NEK11: variants seen among roughly 807,000 people sequenced by gnomAD.
NEK11 encodes the protein serine/threonine-protein kinase Nek11.
A neutral mutation model predicts 80.7 loss-of-function variants in NEK11; 72 were observed. That is an observed-to-expected ratio of 0.89 (90% CI 0.74 to 1.08). The LOEUF is 1.08. NEK11 is among the 50% of genes least tolerant of loss of function. NEK11 has a pLI of 0.00. For synonymous variants in NEK11, 251 were observed against 260.7 expected, an observed-to-expected ratio of 0.96 and a Z score of 0.36; for missense variants, 764 against 763.6, an observed-to-expected ratio of 1.00 and a Z score of -0.01.
intron 3 of NEK11, among the ~76,000 whole-genome samples, chr3:131,042,674 G>A (rs577123965): frequency 7.6e-4 from 116 of 152,320 alleles, no homozygotes; most frequent in Non-Finnish European, 1.4e-3. Flanking sequence ...AGGGGCGGCT[G>A]TGGGTACAGC....
intron 7 of NEK11, among the ~76,000 whole-genome samples, chr3:131,148,744 GAT>G (rs5852616): frequency 0.73 from 109,540 of 149,052 alleles, 40,405 homozygotes; most frequent in South Asian, 0.77. Flanking sequence ...GTTTGTTACA[GAT>G]ATATATATAT....
intron 3 of NEK11, among the ~76,000 whole-genome samples, chr3:131,047,500 G>A (rs1335441310): frequency 4.6e-5 from 7 of 152,160 alleles, no homozygotes; most frequent in Non-Finnish European, 7.4e-5. Flanking sequence ...CTTTCCCTTA[G>A]GGATGTGGTT....
chr3:131,295,133 A>G (rs1419041885), intron 17 of NEK11, among the ~76,000 whole-genome samples: 2 of 151,740 alleles, frequency 1.3e-5, no homozygotes, highest in African/African-American at 4.8e-5. Context: ...ACTGTTTTCT[A>G]TTTGTTGTCT....
chr3:131,101,626 G>A (rs1468788283), intron 4 of NEK11, among the ~76,000 whole-genome samples: 3 of 152,162 alleles, frequency 2.0e-5, no homozygotes, highest in Non-Finnish European at 4.4e-5. Flanking sequence ...TGAATTTATT[G>A]AGACTTGCTT....
intron 14 of NEK11, among the ~76,000 whole-genome samples, chr3:131,222,792 C>T (rs1203693704): frequency 6.6e-6 from 1 of 152,198 alleles, no homozygotes; most frequent in African/African-American, 2.4e-5. Flanking sequence ...ACCAGACCTG[C>T]TGAATCAGCA....
intron 17 of NEK11, among the ~76,000 whole-genome samples, chr3:131,322,964 T>C (rs927293887): frequency 2.0e-5 from 3 of 152,188 alleles, no homozygotes; most frequent in Admixed American, 2.0e-4. Context: ...GATTATATGA[T>C]CTAACTTGTT....
intron 4 of NEK11, among the ~76,000 whole-genome samples, chr3:131,091,642 A>T (rs1467896859): frequency 6.6e-6 from 1 of 152,254 alleles, no homozygotes; most frequent in Non-Finnish European, 1.5e-5. Context: ...TTTAAAAATG[A>T]CAATAGGATG....
At chr3:131,092,522 A>G (rs1363699698) in intron 4 of NEK11, among the ~76,000 whole-genome samples, 2 of 152,228 alleles carry the variant, frequency 1.3e-5, no homozygotes, top group Non-Finnish European at 2.9e-5. Flanking sequence ...CTGAGTTTCT[A>G]CCGTATCAGA....
At chr3:131,066,221 T>C (rs2071917884) in intron 3 of NEK11, among the ~76,000 whole-genome samples, 2 of 152,226 alleles carry the variant, frequency 1.3e-5, no homozygotes, top group South Asian at 4.1e-4. Context: ...TGCTGGCCGC[T>C]GCTTTATATT....
intron 17 of NEK11, among the ~76,000 whole-genome samples, chr3:131,340,915 C>T (rs1172750769): frequency 6.6e-6 from 1 of 152,112 alleles, no homozygotes; most frequent in East Asian, 1.9e-4. Flanking sequence ...AAAGGAAATG[C>T]ACCATAGAAA....
intron 3 of NEK11, among the ~76,000 whole-genome samples, chr3:131,030,205 C>T (rs1214539218): frequency 6.6e-6 from 1 of 151,482 alleles, no homozygotes; most frequent in Non-Finnish European, 1.5e-5. Context: ...TGCCACTGCC[C>T]TCCAGCCTGG....
intron 7 of NEK11, among the ~76,000 whole-genome samples, chr3:131,144,621 G>C (rs2087741787): frequency 6.6e-6 from 1 of 152,160 alleles, no homozygotes; most frequent in South Asian, 2.1e-4. Context: ...GTATGTTAAA[G>C]TTTGGGAAAC....
At position 131,125,047 on chromosome 3, in the gene NEK11, C is replaced by T. The variant is rs936797246; in HGVS notation, c.456-7698C>T. 3.3e-5 allele frequency among the ~76,000 whole-genome samples: 5 copies of T among 152,142 alleles called. No homozygotes were observed. In the East Asian group the frequency reaches 9.6e-4, roughly 29 times the overall value. On this transcript the variant is annotated intron_variant, in intron 5 of 17. Coordinates refer to ENST00000383366, the MANE Select transcript of NEK11 (RefSeq NM_024800.5). Reference sequence around the variant, plus strand: ...TAGTGTTGCATTGTCTAGTTTTGCTCTTCTCTTTTCTCTCTATTCTTAGAA... The same window carrying T: ...TAGTGTTGCATTGTCTAGTTTTGCTTTTCTCTTTTCTCTCTATTCTTAGAA...
At chr3:131,272,151 C>T (rs542341697) in intron 16 of NEK11, among the ~76,000 whole-genome samples, 1 of 152,108 alleles carries the variant, frequency 6.6e-6, no homozygotes. Flanking sequence ...GGGGACTCCA[C>T]CTTGCTTCTT....
At chr3:131,238,664 G>A (rs1270782299) in intron 15 of NEK11, among the ~76,000 whole-genome samples, 1 of 152,074 alleles carries the variant, frequency 6.6e-6, no homozygotes, top group East Asian at 1.9e-4. Context: ...GGGACAAAAG[G>A]GAACTGGGAG....
At chr3:131,331,918 G>A (rs574468138) in intron 17 of NEK11, among the ~76,000 whole-genome samples, 1,585 of 152,328 alleles carry the variant, frequency 0.01, 22 homozygotes, top group African/African-American at 0.035. Flanking sequence ...GGGGAGGGGC[G>A]CCTGCCATTG....
intron 7 of NEK11, among the ~76,000 whole-genome samples, chr3:131,138,735 C>CT (rs2086189780): frequency 1.3e-5 from 2 of 152,126 alleles, no homozygotes; most frequent in Non-Finnish European, 2.9e-5. Context: ...AGAGTCTTTG[C>CT]CTTGTAATCC....
intron 17 of NEK11, among the ~76,000 whole-genome samples, chr3:131,290,470 T>C (rs781456248): frequency 3.9e-5 from 6 of 152,250 alleles, no homozygotes; most frequent in Non-Finnish European, 7.3e-5. Flanking sequence ...ATCAGTGAAC[T>C]AGCTGAGACT....
At chr3:131,346,430 T>G (rs2097364145) in intron 17 of NEK11, among the ~76,000 whole-genome samples, 1 of 152,196 alleles carries the variant, frequency 6.6e-6, no homozygotes, top group Admixed American at 6.5e-5. Flanking sequence ...TGCTGGGCAG[T>G]GCTGAGTGCC....
Sources: allele counts gnomAD v4.1 joint callset (sites outside exome capture counted in the v4.1 genomes callset), GRCh38; gene constraint gnomAD v4.1.1; transcripts MANE v1.5; gene names NCBI Gene and HGNC (gene_info 2026-07-23, HGNC 2026-07-21).